The following THSD7B variants were observed in gnomAD, a reference collection of about 807,000 sequenced individuals.
THSD7B encodes thrombospondin type-1 domain-containing protein 7B.
Under a neutral mutation model 213.6 loss-of-function variants are expected in THSD7B, and 138 were observed. The ratio of observed to expected loss-of-function variants is 0.65; its 90% CI spans 0.56 to 0.74. The LOEUF (loss-of-function observed/expected upper bound fraction) is 0.74. Ranked by LOEUF, THSD7B falls within the 30% of genes least tolerant of loss-of-function variation. The pLI, the probability that THSD7B is intolerant of heterozygous loss-of-function variation, is 0.00. For synonymous variants in THSD7B, 742 were observed against 687.0 expected (o/e 1.08, Z -1.25); for missense variants, 1,931 against 1,991.5 (o/e 0.97, Z 0.58).
In THSD7B at chr2:136,914,411, G is replaced by A. The variant is rs191410290; in HGVS notation, c.139+32094G>A. On this transcript the variant is annotated intron_variant, in intron 2 of 27. Coordinates refer to ENST00000409968, the MANE Select transcript of THSD7B (RefSeq NM_001316349.2). ...TATACTTTGGCAGACTGTTGGGAAGGCATGATTGGTTTTAAAATGTGAGGA... is the reference window on the plus strand; with the variant it reads ...TATACTTTGGCAGACTGTTGGGAAGACATGATTGGTTTTAAAATGTGAGGA... Among the ~76,000 whole-genome samples the A allele has an allele frequency of 2.3e-3, 344 of 152,266 alleles. 1 individual carries two copies. The highest frequency in any genetic ancestry group is 3.2e-3 in the Non-Finnish European group (221 of 68,024).
At chr2:137,416,333 G>A (rs967530925) in intron 14 of THSD7B, among the ~76,000 whole-genome samples, 2 of 152,184 alleles carry the variant, frequency 1.3e-5, no homozygotes, top group South Asian at 4.1e-4. Flanking sequence ...CTTCCATGAG[G>A]ATGTACTTCA....
At chr2:137,250,403 G>T (rs544144523) in intron 10 of THSD7B, among the ~76,000 whole-genome samples, 1 of 152,184 alleles carries the variant, frequency 6.6e-6, no homozygotes, top group Admixed American at 6.5e-5. Flanking sequence ...TTTCAAAATT[G>T]CCACCAGAGT....
At chr2:137,266,878 C>T (rs908481060) in intron 10 of THSD7B, among the ~76,000 whole-genome samples, 3 of 152,186 alleles carry the variant, frequency 2.0e-5, no homozygotes, top group African/African-American at 7.2e-5. Flanking sequence ...TAGTTGCAAA[C>T]TTAGTAAGTC....
intron 2 of THSD7B, among the ~76,000 whole-genome samples, chr2:136,991,935 G>C (rs1685792729): frequency 1.3e-5 from 2 of 152,134 alleles, no homozygotes; most frequent in Admixed American, 1.3e-4. Context: ...CCTAAAACGG[G>C]ATTTCTTATT....
At chr2:137,344,753 G>A (rs969448501) in intron 12 of THSD7B, among the ~76,000 whole-genome samples, 1 of 151,612 alleles carries the variant, frequency 6.6e-6, no homozygotes, top group Non-Finnish European at 1.5e-5. Context: ...AATAGAAAGA[G>A]CATGATGATG....
intron 27 of THSD7B, among the ~76,000 whole-genome samples, chr2:137,674,899 C>T (rs1470054745): frequency 1.3e-5 from 2 of 152,162 alleles, no homozygotes; most frequent in African/African-American, 4.8e-5. Context: ...ATTTCTTTAA[C>T]TTGTATGATT....
At chr2:136,773,085 C>T (rs894293253) in intron 1 of THSD7B, among the ~76,000 whole-genome samples, 2 of 151,922 alleles carry the variant, frequency 1.3e-5, no homozygotes, top group African/African-American at 2.4e-5. Flanking sequence ...AAAGTGTGAT[C>T]GGCTGTCTCA....
intron 7 of THSD7B, among the ~76,000 whole-genome samples, chr2:137,172,797 A>G (rs1680281372): frequency 6.6e-6 from 1 of 152,170 alleles, no homozygotes; most frequent in African/African-American, 2.4e-5. Context: ...CTGAGACCAT[A>G]ACCTGTGGGA....
chr2:136,779,448 G>A (rs1681689737), intron 1 of THSD7B, among the ~76,000 whole-genome samples: 2 of 152,134 alleles, frequency 1.3e-5, no homozygotes, highest in East Asian at 1.9e-4. Context: ...TTTCTTATGA[G>A]TATTGTAACT....
chr2:137,139,628 GTTTGCC>G (rs1679541880), intron 5 of THSD7B, among the ~76,000 whole-genome samples: 1 of 152,100 alleles, frequency 6.6e-6, no homozygotes, highest in Non-Finnish European at 1.5e-5. Context: ...CCCTTAAGTA[GTTTGCC>G]AGCCATTGGG....
intron 5 of THSD7B, among the ~76,000 whole-genome samples, chr2:137,149,522 C>A (rs1353795372): frequency 1.3e-5 from 2 of 152,212 alleles, no homozygotes; most frequent in African/African-American, 4.8e-5. Flanking sequence ...AAGCTGCAGA[C>A]ACTCAATGCC....
chr2:137,106,439 AC>A (rs1161259552), intron 4 of THSD7B, among the ~76,000 whole-genome samples: 1 of 152,126 alleles, frequency 6.6e-6, no homozygotes, highest in Non-Finnish European at 1.5e-5. Context: ...AAACTATAAC[AC>A]CCTGGAAGAA....
chr2:137,200,009 A>G (rs1680843626), intron 7 of THSD7B, among the ~76,000 whole-genome samples: 1 of 152,166 alleles, frequency 6.6e-6, no homozygotes, highest in Admixed American at 6.5e-5. Flanking sequence ...GAATCTTCAC[A>G]TAATTACATC....
intron 12 of THSD7B, among the ~76,000 whole-genome samples, chr2:137,305,764 G>A (rs1683727142): frequency 6.6e-6 from 1 of 152,006 alleles, no homozygotes; most frequent in South Asian, 2.1e-4. Context: ...ATACTTCCTG[G>A]GAAATGTGTC....
chr2:137,430,186 A>G (rs1267792292), intron 14 of THSD7B, among the ~76,000 whole-genome samples: 3 of 152,252 alleles, frequency 2.0e-5, no homozygotes. Flanking sequence ...ATTCAAGGCT[A>G]CAGTGAGCTG....
intron 20 of THSD7B, among the ~76,000 whole-genome samples, chr2:137,627,918 C>G (rs1430286251): frequency 3.3e-5 from 5 of 152,318 alleles, no homozygotes; most frequent in African/African-American, 1.2e-4. Flanking sequence ...GGCATGGTTT[C>G]CACTGGGGCA....
chr2:137,599,216 T>C (rs1471181050), intron 17 of THSD7B, among the ~76,000 whole-genome samples: 1 of 151,864 alleles, frequency 6.6e-6, no homozygotes, highest in Non-Finnish European at 1.5e-5. Flanking sequence ...TATGAACTCA[T>C]CATTTTTTAT....
chr2:137,420,155 G>A lies in THSD7B; in HGVS notation c.2959+8283G>A, dbSNP rs528628042. Among the ~76,000 whole-genome samples the A allele has an allele frequency of 1.1e-3, 171 of 152,148 alleles. 1 individual carries two copies. Among genetic ancestry groups the A allele is most frequent in the Admixed American group, 6.0e-3 (91 of 15,280 alleles). On this transcript the variant is annotated intron_variant, in intron 14 of 27. Coordinates refer to ENST00000409968, the MANE Select transcript of THSD7B (RefSeq NM_001316349.2). The stretch of plus-strand genomic sequence containing the variant: ...AAAGCCATTTTTACTGGAGTGAGAT[G>A]ATATCTACCGTGGTTTTGATTTTAA...
Position 137,306,936 on chromosome 2 carries a change from TAA to T in THSD7B, c.2500+30917_2500+30918del, listed in dbSNP as rs914148579. ...AACAATATTTCAGGCAAGAACCTGT[TAA>T]AAAAAATGCTCTTTGAGAACAGAAG... On this transcript the variant is annotated intron_variant, in intron 12 of 27. Transcript: ENST00000409968. 2.4e-4 allele frequency among the ~76,000 whole-genome samples: 37 copies of T among 152,092 alleles called. No homozygotes were observed. The East Asian group carries it at 6.9e-3, about 29-fold the overall frequency.
Sources: gnomAD v4.1 joint callset for allele counts (sites outside exome capture counted in the v4.1 genomes callset) on GRCh38, gnomAD v4.1.1 for gene constraint, MANE v1.5 for transcripts, NCBI Gene and HGNC (gene_info 2026-07-23, HGNC 2026-07-21) for gene names.